The following HEATR5A variants were observed in gnomAD, a reference collection of about 807,000 sequenced individuals.
HEATR5A encodes HEAT repeat containing 5A.
In HEATR5A, 178 loss-of-function variants were observed where a neutral mutation model predicts 218.8. The ratio of observed to expected loss-of-function variants is 0.81; its 90% CI spans 0.72 to 0.92. The LOEUF (loss-of-function observed/expected upper bound fraction) is 0.92, where lower values mean the gene tolerates loss of function less well. Ranked by LOEUF, HEATR5A falls within the 40% of genes least tolerant of loss-of-function variation. The pLI, the probability that HEATR5A is intolerant of heterozygous loss-of-function variation, is 0.00. For missense variants in HEATR5A, 2,420 were observed against 2,418.9 expected, an observed-to-expected ratio of 1.00 and a Z score of -0.01; for synonymous variants, 864 against 871.6, an observed-to-expected ratio of 0.99 and a Z score of 0.15.
intron 31 of HEATR5A, 122 bp from the exon 32 acceptor site, chr14:31,305,299 G>A (rs1399696542): frequency 9.9e-7 from 1 of 1,013,574 alleles, no homozygotes; most frequent in Non-Finnish European, 1.4e-6. Context: ...GTCTCGCTCT[G>A]TCACACAGGC....
At chr14:31,352,298 T>A (rs1901259876) in intron 16 of HEATR5A, among the ~76,000 whole-genome samples, 1 of 152,160 alleles carries the variant, frequency 6.6e-6, no homozygotes, top group South Asian at 2.1e-4. Context: ...CCTAATATCT[T>A]GTGTTTGGCA....
At chr14:31,331,882 C>T (rs141893780) in intron 22 of HEATR5A, among the ~76,000 whole-genome samples, 7 of 152,190 alleles carry the variant, frequency 4.6e-5, no homozygotes, top group Admixed American at 2.0e-4. Context: ...TGTGGAAAAC[C>T]GCTCCCATGA....
chr14:31,367,213 A>C (rs1901835725), intron 13 of HEATR5A, among the ~76,000 whole-genome samples: 1 of 152,182 alleles, frequency 6.6e-6, no homozygotes, highest in Non-Finnish European at 1.5e-5. Flanking sequence ...TCACAACAAA[A>C]ATACAAAGAA....
chr14:31,337,438 T>G, intron 22 of HEATR5A, 38 bp downstream of exon 22: 1 of 1,498,358 alleles, frequency 6.7e-7, no homozygotes, highest in Non-Finnish European at 9.0e-7. Context: ...ATAAAAATAA[T>G]CATTTGAGCT....
chr14:31,371,927 C>A lies in HEATR5A; in HGVS notation c.1862-18G>T. 1 of 1,311,964 alleles carries A rather than the reference C, an allele frequency of 7.6e-7. No individual in the cohort carries two copies. The highest frequency in any genetic ancestry group is 1.1e-6 in the Non-Finnish European group (1 of 940,978). 81.3% of individuals were successfully genotyped at this position (1,311,964 alleles called of 1,614,324 possible). ...CTTGATAGCTGAAAAGGAAAACAGA[C>A]TTTTACTTGGGCATACTGTAATCAA... On this transcript the variant is annotated intron_variant, in intron 12 of 35. Coordinates refer to ENST00000543095, the MANE Select transcript of HEATR5A (RefSeq NM_015473.4).
intron 2 of HEATR5A, among the ~76,000 whole-genome samples, chr14:31,401,200 A>G (rs529119512): frequency 2.0e-4 from 31 of 152,226 alleles, no homozygotes; most frequent in Admixed American, 1.8e-3. Context: ...TCTCATGCTG[A>G]ATGGTAATTC....
chr14:31,377,799 A>G (rs1902286927), intron 11 of HEATR5A, among the ~76,000 whole-genome samples: 1 of 152,176 alleles, frequency 6.6e-6, no homozygotes, highest in Non-Finnish European at 1.5e-5. Context: ...TAAGCAAATG[A>G]ATAAGAATAA....
At chr14:31,381,456 G>A (rs1385609432) in intron 10 of HEATR5A, among the ~76,000 whole-genome samples, 1 of 151,560 alleles carries the variant, frequency 6.6e-6, no homozygotes, top group Non-Finnish European at 1.5e-5. Flanking sequence ...GCCAAGGTGG[G>A]AGGACCAATT....
At chr14:31,403,221 C>A (rs1425644649) in intron 1 of HEATR5A, among the ~76,000 whole-genome samples, 172 bp from the exon 2 acceptor site, 1 of 151,820 alleles carries the variant, frequency 6.6e-6, no homozygotes, top group Admixed American at 6.6e-5. Flanking sequence ...TAAAATCCAC[C>A]CTTATATTCT....
chr14:31,364,793 T>C (rs1595140582), intron 13 of HEATR5A, among the ~76,000 whole-genome samples: 1 of 152,190 alleles, frequency 6.6e-6, no homozygotes, highest in African/African-American at 2.4e-5. Context: ...TCTGTTCACC[T>C]TTCCTACTGG....
intron 13 of HEATR5A, 191 bp downstream of exon 13, chr14:31,371,619 C>T: frequency 7.6e-6 from 3 of 394,352 alleles, no homozygotes; most frequent in South Asian, 6.8e-5. Flanking sequence ...TAGATTATTC[C>T]CCTAAAATTT....
chr14:31,402,075 C>T (rs2030898478), intron 2 of HEATR5A, among the ~76,000 whole-genome samples: 2 of 151,920 alleles, frequency 1.3e-5, no homozygotes, highest in South Asian at 2.1e-4. Flanking sequence ...GCAAACTTGT[C>T]AAATATTTTG....
At chr14:31,356,454 T>G (rs950524749) in intron 16 of HEATR5A, among the ~76,000 whole-genome samples, 6 of 152,182 alleles carry the variant, frequency 3.9e-5, no homozygotes, top group African/African-American at 1.4e-4. Flanking sequence ...AGGCTGCTCT[T>G]GAACTGTTGG....
At chr14:31,359,799 A>G (rs2139233253) in intron 14 of HEATR5A, among the ~76,000 whole-genome samples, 1 of 151,878 alleles carries the variant, frequency 6.6e-6, no homozygotes, top group Non-Finnish European at 1.5e-5. Flanking sequence ...GAAAATTTCA[A>G]ACATAAATAA....
In HEATR5A at chr14:31,293,625, CAAATA is replaced by C. The variant is rs369975730; in HGVS notation, c.5834-18_5834-14del. On this transcript the variant is annotated splice_polypyrimidine_tract_variant and intron_variant, in intron 35 of 35. Coordinates refer to ENST00000543095, the MANE Select transcript of HEATR5A (RefSeq NM_015473.4). ...ACCAGCTGAGCGCCTAGAAAGTAAACAAATAATATAAGTTCAGTGACATAAATGTT... is the reference window on the plus strand; with the variant it reads ...ACCAGCTGAGCGCCTAGAAAGTAAACATATAAGTTCAGTGACATAAATGTT... 566 of 1,583,008 alleles carry C rather than the reference CAAATA, an allele frequency of 3.6e-4. 8 individuals are homozygous for C. The South Asian group carries it at 6.0e-3, about 17-fold the overall frequency.
At position 31,326,255 on chromosome 14, in the gene HEATR5A, T is replaced by A. The variant is rs1279000238; in HGVS notation, c.3455A>T (p.Lys1152Ile). Residue 1152 changes from lysine (K) to isoleucine (I), a missense_variant, in exon 23 of 36, where the codon AAA becomes ATA. By Grantham distance (102) the Lys-to-Ile change is moderately radical. Transcript: ENST00000543095. ...ETDERLCHDI[K>I]ETLNYMLTSM... is the part of the protein sequence containing the mutation. ...TGTAAGCATATAATTTAAAGTCTCT[T>A]TGATATCATGGCATAATCTCTCATC... is the stretch of plus-strand genomic sequence containing the variant. 1 of 1,613,306 alleles carries A rather than the reference T, an allele frequency of 6.2e-7. No individual in the cohort carries two copies.
At chr14:31,311,206 C>T (rs959907876) in intron 28 of HEATR5A, among the ~76,000 whole-genome samples, 3 of 152,058 alleles carry the variant, frequency 2.0e-5, no homozygotes, top group Admixed American at 6.6e-5. Context: ...ACAAAGTAAC[C>T]AACCCATAAA....
chr14:31,321,379 C>CT (rs1900101913), intron 25 of HEATR5A, 120 bp downstream of exon 25: 2 of 654,798 alleles, frequency 3.1e-6, no homozygotes, highest in East Asian at 6.0e-5. Flanking sequence ...GGGCTCAAAG[C>CT]TACCTACCCG....
At chr14:31,359,208 C>A (rs149953293) in intron 14 of HEATR5A, among the ~76,000 whole-genome samples, 151 bp from the exon 15 acceptor site, 91 of 151,834 alleles carry the variant, frequency 6.0e-4, no homozygotes, top group South Asian at 2.1e-4. Context: ...GAAAACTGCC[C>A]TAGAAATGAC....
Sources: allele counts gnomAD v4.1 joint callset (sites outside exome capture counted in the v4.1 genomes callset), GRCh38; gene constraint gnomAD v4.1.1; transcripts MANE v1.5; gene names NCBI Gene and HGNC (gene_info 2026-07-23, HGNC 2026-07-21).